Variants in SOD1 observed in about 807,000 individuals in gnomAD.
SOD1 encodes the protein superoxide dismutase [Cu-Zn].
SOD1 carries 8 observed loss-of-function variants against 15.9 expected under a neutral mutation model. The observed-to-expected ratio is 0.50, with a 90% confidence interval of 0.30 to 0.91. The LOEUF is 0.91. SOD1 is among the 40% of genes least tolerant of loss of function. The pLI is 0.07. For synonymous variants in SOD1, 86 were observed against 71.2 expected, an observed-to-expected ratio of 1.21 and a Z score of -1.04; for missense variants, 137 against 194.5, an observed-to-expected ratio of 0.70 and a Z score of 1.76.
chr21:31,661,083 G>A (rs958495055), intron 1 of SOD1, among the ~76,000 whole-genome samples: 2 of 152,204 alleles, frequency 1.3e-5, no homozygotes, highest in African/African-American at 4.8e-5. Flanking sequence ...CCAACTGGTG[G>A]AAAATTTTCT....
chr21:31,662,167 A>G lies in SOD1; in HGVS notation c.73-1623A>G, dbSNP rs921354516. Among the ~76,000 whole-genome samples, 5 of 152,132 alleles carry G rather than the reference A, an allele frequency of 3.3e-5. No individual in the cohort carries two copies. In the East Asian group the frequency reaches 9.6e-4, roughly 29 times the overall value. On this transcript the variant is annotated intron_variant, in intron 1 of 4. Transcript: ENST00000270142. ...GATGTCCTGAATGTATTACCGGTTA[A>G]ATGGAGGTTTCAAAGAACCTGCTGT...
At chr21:31,662,163 G>T (rs2049553750) in intron 1 of SOD1, among the ~76,000 whole-genome samples, 1 of 152,198 alleles carries the variant, frequency 6.6e-6, no homozygotes, top group Admixed American at 6.5e-5. Flanking sequence ...TGTATTACCG[G>T]TTAAATGGAG....
intron 3 of SOD1, 26 bp downstream of exon 3, chr21:31,666,544 TAATG>T: frequency 1.3e-6 from 2 of 1,508,442 alleles, no homozygotes; most frequent in Non-Finnish European, 1.8e-6. Flanking sequence ...ACTCTTGTAA[TAATG>T]GCGATAGCTT....
intron 2 of SOD1, 96 bp from the exon 3 acceptor site, chr21:31,666,353 C>CT: frequency 1.1e-6 from 1 of 920,578 alleles, no homozygotes; most frequent in East Asian, 2.6e-5. Context: ...CAGGTCAGCA[C>CT]TTTCTCCATG....
At chr21:31,666,778 G>A (rs996228498) in intron 3 of SOD1, 2 of 519,818 alleles carry the variant, frequency 3.8e-6, no homozygotes, top group Non-Finnish European at 6.9e-6. Context: ...GTGCCAAAGG[G>A]GAACTAATAC....
Position 31,663,834 on chromosome 21 carries a change from G to C in SOD1, c.117G>C (p.Leu39=), listed in dbSNP as rs200072460. 6.2e-7 allele frequency: 1 copy of C among 1,613,560 alleles called. No individual in the cohort carries two copies. The highest frequency in any genetic ancestry group is 1.3e-5 in the African/African-American group (1 of 74,922). ...AGGTGTGGGGAAGCATTAAAGGACT[G>C]ACTGAAGGCCTGCATGGATTCCATG... ...PVKVWGSIKG[L]TEGLHGFHVH... is the part of the protein sequence containing the mutation. Residue 39 remains leucine (L), a synonymous_variant, in exon 2 of 5, where the codon CTG becomes CTC. Coordinates refer to ENST00000270142, the MANE Select transcript of SOD1 (RefSeq NM_000454.5).
At chr21:31,666,755 AGAACTAATACAAGTGCCAAAGGG>A in intron 3 of SOD1, 1 of 561,616 alleles carries the variant, frequency 1.8e-6, no homozygotes. Flanking sequence ...TATTGAATAT[AGAACTAATACAAGTGCCAAAGGG>A]GAACTAATAC....
intron 1 of SOD1, chr21:31,660,649 C>T (rs1057084334): frequency 2.6e-5 from 4 of 152,170 alleles, no homozygotes; most frequent in Non-Finnish European, 5.9e-5. Context: ...GAAGATCTTA[C>T]TAAAAATACA....
chr21:31,663,672 G>C, intron 1 of SOD1, 118 bp from the exon 2 acceptor site: 1 of 775,670 alleles, frequency 1.3e-6, no homozygotes, highest in South Asian at 1.4e-5. Flanking sequence ...CCTGGGATTT[G>C]GACACAGATT....
At chr21:31,666,165 G>T (rs1239898623) in intron 2 of SOD1, among the ~76,000 whole-genome samples, 1 of 142,016 alleles carries the variant, frequency 7.0e-6, no homozygotes. Context: ...GTAGAGACAG[G>T]GTTTTGCTAT....
At chr21:31,664,297 A>G (rs1047157398) in intron 2 of SOD1, 1 of 278,430 alleles carries the variant, frequency 3.6e-6, no homozygotes, top group African/African-American at 2.2e-5. Flanking sequence ...TCTTTTAAAA[A>G]AGAGGTCAAC....
intron 2 of SOD1, among the ~76,000 whole-genome samples, chr21:31,665,161 TA>T (rs1026771265): frequency 1.3e-4 from 20 of 152,286 alleles, no homozygotes; most frequent in Admixed American, 3.3e-4. Flanking sequence ...GGAATATGCT[TA>T]AAAAAAATTT....
At position 31,666,572 on chromosome 21, in the gene SOD1, T is replaced by A. The variant is rs1338058234; in HGVS notation, c.239+54T>A. 4 of 1,247,132 alleles carry A rather than the reference T, an allele frequency of 3.2e-6. No individual in the cohort carries two copies. In the East Asian group the frequency reaches 9.3e-5, roughly 29 times the overall value. The allele number at this position is 1,247,132 out of a possible 1,614,324, so 77.3% of individuals were successfully genotyped here. ...TGGCGATAGCTTTCTGGAGTTCATA[T>A]GGTATACTACTTGTAAATATGTGCT... On this transcript the variant is annotated intron_variant, in intron 3 of 4. Transcript: ENST00000270142.
Position 31,668,642 on chromosome 21 carries a change from G to C in SOD1, c.*64G>C. On this transcript the variant is annotated 3_prime_UTR_variant, in exon 5 of 5. Transcript: ENST00000270142. ...CTGTTATCCTGCTAGCTGTAGAAATGTATCCTGATAAACATTAAACACTGT... is the reference window on the plus strand; with the variant it reads ...CTGTTATCCTGCTAGCTGTAGAAATCTATCCTGATAAACATTAAACACTGT... The C allele has an allele frequency of 4.2e-6, 5 of 1,193,014 alleles. No homozygotes were observed. The highest frequency in any genetic ancestry group is 6.3e-6 in the Non-Finnish European group (5 of 796,934). The allele number at this position is 1,193,014 out of a possible 1,614,324, so 73.9% of individuals were successfully genotyped here.
intron 1 of SOD1, chr21:31,661,562 C>G (rs1351164053): frequency 1.3e-5 from 2 of 152,276 alleles, no homozygotes; most frequent in Non-Finnish European, 1.5e-5. Flanking sequence ...CGGCGTTTCA[C>G]CATGTTGGCC....
rs1277014563 is a variant in SOD1 at position 31,668,596 on chromosome 21, G to C, written c.*18G>C. 22 of 1,548,058 alleles carry C rather than the reference G, an allele frequency of 1.4e-5. No homozygotes were observed. The highest frequency in any genetic ancestry group is 2.0e-5 in the Non-Finnish European group (22 of 1,119,644). On this transcript the variant is annotated 3_prime_UTR_variant, in exon 5 of 5. Transcript: ENST00000270142. Reference sequence around the variant, plus strand: ...CCCAATAAACATTCCCTTGGATGTAGTCTGAGGCCCCTTAACTCATCTGTT... The same window carrying C: ...CCCAATAAACATTCCCTTGGATGTACTCTGAGGCCCCTTAACTCATCTGTT...
chr21:31,663,657 G>A, intron 1 of SOD1, 133 bp from the exon 2 acceptor site: 1 of 691,502 alleles, frequency 1.4e-6, no homozygotes, highest in Non-Finnish European at 2.6e-6. Context: ...CTAGAAAGTG[G>A]TCAGCCTGGG....
At chr21:31,666,596 C>CT in intron 3 of SOD1, 78 bp downstream of exon 3, 1 of 1,072,824 alleles carries the variant, frequency 9.3e-7, no homozygotes, top group South Asian at 1.3e-5. Flanking sequence ...TAAATATGTG[C>CT]TAAGATAATT....
chr21:31,659,942 G>T, intron 1 of SOD1, 101 bp downstream of exon 1: 2 of 1,229,096 alleles, frequency 1.6e-6, no homozygotes. Context: ...CCTCGGGGCC[G>T]CCCTGGTCCA....
Sources: gnomAD v4.1 joint callset for allele counts (sites outside exome capture counted in the v4.1 genomes callset) on GRCh38, gnomAD v4.1.1 for gene constraint, MANE v1.5 for transcripts, NCBI Gene and HGNC (gene_info 2026-07-23, HGNC 2026-07-21) for gene names.